Variants in ETV6 observed in about 807,000 individuals in gnomAD.
ETV6 encodes transcription factor ETV6.
ETV6 carries 16 observed loss-of-function variants against 51.1 expected under a neutral mutation model. The observed-to-expected ratio is 0.31, with a 90% CI of 0.21 to 0.48. ETV6 has a LOEUF of 0.48. Among genes scored for constraint, ETV6 ranks in the 20% least tolerant of loss-of-function variants. The pLI is 0.99. For synonymous variants in ETV6, 240 were observed against 224.1 expected, an observed-to-expected ratio of 1.07 and a Z score of -0.64; for missense variants, 458 against 594.8, an observed-to-expected ratio of 0.77 and a Z score of 2.39.
intron 3 of ETV6, among the ~76,000 whole-genome samples, chr12:11,848,408 C>G (rs779536307): frequency 1.3e-5 from 2 of 152,206 alleles, no homozygotes; most frequent in African/African-American, 4.8e-5. Flanking sequence ...ATTTAACCCC[C>G]CTCAACAGCA....
rs574291953 is a variant in ETV6, at chr12:11,662,041, C to T, written c.33+11881C>T. Among the ~76,000 whole-genome samples the T allele has an allele frequency of 3.7e-4, 57 of 152,264 alleles. 1 individual carries two copies. The South Asian group carries it at 9.3e-3, about 25-fold the overall frequency. ...GGCAGGGCAATGAGCAAAAGGACCT[C>T]GGTGTTAGGTAACATCTCAAGTAGG... On this transcript the variant is annotated intron_variant, in intron 1 of 7. Coordinates refer to ENST00000396373, the MANE Select transcript of ETV6 (RefSeq NM_001987.5).
intron 1 of ETV6, among the ~76,000 whole-genome samples, chr12:11,652,833 T>C (rs928985804): frequency 2.6e-5 from 4 of 152,230 alleles, no homozygotes; most frequent in Non-Finnish European, 5.9e-5. Context: ...AGATGGCTCA[T>C]GTGGTGGTCG....
intron 2 of ETV6, among the ~76,000 whole-genome samples, chr12:11,821,612 G>C (rs1293534038): frequency 2.0e-5 from 3 of 152,132 alleles, no homozygotes; most frequent in Non-Finnish European, 4.4e-5. Flanking sequence ...TGAGGCAGGA[G>C]GATTGCTTGA....
chr12:11,684,352 ATTAT>A (rs1435845690), intron 1 of ETV6, among the ~76,000 whole-genome samples: 1 of 152,148 alleles, frequency 6.6e-6, no homozygotes, highest in Non-Finnish European at 1.5e-5. Flanking sequence ...TTTAAAACAT[ATTAT>A]TTGTGTTTTT....
chr12:11,757,317 G>A (rs1332729363), intron 2 of ETV6, among the ~76,000 whole-genome samples: 2 of 152,186 alleles, frequency 1.3e-5, no homozygotes, highest in East Asian at 1.9e-4. Flanking sequence ...AGACAGCCAC[G>A]TGACAGGCAC....
chr12:11,879,654 C>A (rs542066560), intron 5 of ETV6, among the ~76,000 whole-genome samples: 2 of 152,256 alleles, frequency 1.3e-5, no homozygotes, highest in Non-Finnish European at 2.9e-5. Context: ...AAAGAAAATC[C>A]AAATAGTGGA....
intron 5 of ETV6, among the ~76,000 whole-genome samples, chr12:11,881,325 G>T (rs79425154): frequency 0.021 from 3,128 of 152,318 alleles, 42 homozygotes; most frequent in Non-Finnish European, 0.03. Flanking sequence ...AAATTAAAAT[G>T]TGTCTGCCAT....
intron 2 of ETV6, among the ~76,000 whole-genome samples, chr12:11,785,227 T>G (rs116273300): frequency 0.012 from 1,775 of 152,184 alleles, 35 homozygotes; most frequent in African/African-American, 0.04. Flanking sequence ...TGTTCCTACC[T>G]CAGGCCTTTG....
At chr12:11,665,049 G>A (rs373062841) in intron 1 of ETV6, among the ~76,000 whole-genome samples, 101 of 152,246 alleles carry the variant, frequency 6.6e-4, no homozygotes, top group African/African-American at 1.8e-3. Flanking sequence ...ACATGGTCTC[G>A]CTCTGTGGCC....
chr12:11,731,861 A>G (rs1865606240), intron 1 of ETV6, among the ~76,000 whole-genome samples: 1 of 152,158 alleles, frequency 6.6e-6, no homozygotes, highest in Non-Finnish European at 1.5e-5. Context: ...GTCTGTATGT[A>G]TTAGCTCAGT....
intron 2 of ETV6, among the ~76,000 whole-genome samples, chr12:11,821,241 C>T (rs1424499240): frequency 6.6e-6 from 1 of 151,998 alleles, no homozygotes; most frequent in Middle Eastern, 3.2e-3. Flanking sequence ...TGGTGGGCAC[C>T]TGTAGTCCCA....
intron 2 of ETV6, among the ~76,000 whole-genome samples, chr12:11,790,312 C>A (rs566779667): frequency 1.3e-5 from 2 of 152,108 alleles, no homozygotes; most frequent in African/African-American, 4.8e-5. Context: ...TATACTCAAA[C>A]GTCTGGTGAT....
intron 1 of ETV6, among the ~76,000 whole-genome samples, chr12:11,675,765 G>T (rs1046502008): frequency 1.2e-4 from 19 of 152,076 alleles, no homozygotes; most frequent in African/African-American, 4.3e-4. Context: ...AGTGAGCTAT[G>T]ATCATGCCAC....
At chr12:11,735,489 A>G (rs2051525) in intron 1 of ETV6, among the ~76,000 whole-genome samples, 84,027 of 152,068 alleles carry the variant, frequency 0.55, 24,328 homozygotes, top group Middle Eastern at 0.68. Flanking sequence ...TAAACAAACT[A>G]CTTAATTGAA....
chr12:11,671,960 GA>G (rs1274675527), intron 1 of ETV6, among the ~76,000 whole-genome samples: 12 of 149,868 alleles, frequency 8.0e-5, no homozygotes, highest in African/African-American at 2.9e-4. Context: ...ACACAAATCA[GA>G]AGGTCCTTTG....
chr12:11,774,222 G>T (rs892597645), intron 2 of ETV6, among the ~76,000 whole-genome samples: 2 of 152,188 alleles, frequency 1.3e-5, no homozygotes, highest in African/African-American at 4.8e-5. Flanking sequence ...AGTTGAGAAG[G>T]TTCTGAGCAG....
intron 1 of ETV6, among the ~76,000 whole-genome samples, chr12:11,700,159 A>G (rs1864951718): frequency 6.6e-6 from 1 of 152,186 alleles, no homozygotes; most frequent in Admixed American, 6.5e-5. Context: ...AGGTATTTGA[A>G]TATACAGTTG....
intron 1 of ETV6, among the ~76,000 whole-genome samples, chr12:11,692,091 G>A (rs1023466070): frequency 1.3e-5 from 2 of 152,152 alleles, no homozygotes; most frequent in African/African-American, 4.8e-5. Context: ...TTGACACATG[G>A]GGCCTTTAAG....
intron 4 of ETV6, among the ~76,000 whole-genome samples, chr12:11,860,385 C>A (rs2136512082): frequency 6.6e-6 from 1 of 152,214 alleles, no homozygotes; most frequent in East Asian, 1.9e-4. Flanking sequence ...ACTCTACATC[C>A]CCCGACTACC....
Sources: gnomAD v4.1 joint callset for allele counts (sites outside exome capture counted in the v4.1 genomes callset) on GRCh38, gnomAD v4.1.1 for gene constraint, MANE v1.5 for transcripts, NCBI Gene and HGNC (gene_info 2026-07-23, HGNC 2026-07-21) for gene names.